Variants in FBLN1 observed in about 807,000 individuals in gnomAD.
The protein encoded by FBLN1 is fibulin 1.
Under a neutral mutation model 89.7 loss-of-function variants are expected in FBLN1, and 34 were observed. The observed-to-expected ratio is 0.38, with a 90% confidence interval of 0.29 to 0.50. The LOEUF is 0.50. Among genes scored for constraint, FBLN1 ranks in the 20% least tolerant of loss-of-function variants. The pLI, the probability that FBLN1 is intolerant of heterozygous loss-of-function variation, is 0.92. For missense variants in FBLN1, 777 were observed against 988.1 expected (o/e 0.79, Z 2.86); for synonymous variants, 393 against 391.3 (o/e 1.00, Z -0.05).
chr22:45,553,168 G>A (rs1396559179), intron 14 of FBLN1, among the ~76,000 whole-genome samples: 7 of 152,266 alleles, frequency 4.6e-5, no homozygotes, highest in African/African-American at 1.2e-4. Context: ...AGCACCTGGG[G>A]TGGCCAGAAC....
At chr22:45,592,408 C>T (rs2089146385) in intron 16 of FBLN1, among the ~76,000 whole-genome samples, 1 of 152,154 alleles carries the variant, frequency 6.6e-6, no homozygotes, top group Non-Finnish European at 1.5e-5. Context: ...CTCACTGCAA[C>T]CTCTGCCTCC....
At chr22:45,523,062 T>A (rs763334141) in intron 2 of FBLN1, 4 of 726,140 alleles carry the variant, frequency 5.5e-6, no homozygotes, top group Non-Finnish European at 1.0e-5. Context: ...GCATAGGGGC[T>A]TCTGCTCATG....
Position 45,557,031 on chromosome 22 carries a change from A to G in FBLN1, c.1697+6416A>G, listed in dbSNP as rs547217127. Reference sequence around the variant, plus strand: ...CTGTAGAACTTTGTCCCAGCCCTGCAAAGTACTGTCACCTAGTTGGCATTG... The same window carrying G: ...CTGTAGAACTTTGTCCCAGCCCTGCGAAGTACTGTCACCTAGTTGGCATTG... On this transcript the variant is annotated intron_variant, in intron 14 of 16. Coordinates refer to ENST00000327858, the MANE Select transcript of FBLN1 (RefSeq NM_006486.3). The surrounding 1 kb of genome is among the most constrained non-coding windows in gnomAD (Gnocchi z 4.9). 1.1e-4 allele frequency among the ~76,000 whole-genome samples: 16 copies of G among 152,300 alleles called. No individual in the cohort carries two copies. In the South Asian group the frequency reaches 3.1e-3, roughly 30 times the overall value.
intron 14 of FBLN1, chr22:45,565,183 G>A (rs1434300258): frequency 6.5e-7 from 1 of 1,544,270 alleles, no homozygotes; most frequent in Non-Finnish European, 8.7e-7. Context: ...ATGCAGCCCA[G>A]GAGCCTCTCT....
intron 14 of FBLN1, among the ~76,000 whole-genome samples, chr22:45,564,615 C>G (rs116303782): frequency 7.3e-4 from 111 of 152,374 alleles, no homozygotes; most frequent in African/African-American, 2.6e-3. Context: ...CCGTCCTTCT[C>G]ATGACCCCTT....
In FBLN1 at chr22:45,503,071, G is replaced by A. The variant is rs915816445; in HGVS notation, c.79+7G>A. On this transcript the variant is annotated splice_region_variant and intron_variant, in intron 1 of 16. Transcript: ENST00000327858. ...GCGCTGCTGGCGGCCGGAGGTAGGGGCGTCCCGGGTCCGCCGCCCCAGCTT... is the reference window on the plus strand; with the variant it reads ...GCGCTGCTGGCGGCCGGAGGTAGGGACGTCCCGGGTCCGCCGCCCCAGCTT... 2.5e-5 allele frequency: 31 copies of A among 1,238,470 alleles called. No homozygotes were observed. In the African/African-American group the frequency reaches 4.7e-4, roughly 19 times the overall value. 76.7% of individuals were successfully genotyped at this position (1,238,470 alleles called of 1,614,324 possible).
chr22:45,527,285 C>A (rs2088341675), intron 3 of FBLN1, among the ~76,000 whole-genome samples: 1 of 152,150 alleles, frequency 6.6e-6, no homozygotes, highest in South Asian at 2.1e-4. Context: ...GGGACCTGGG[C>A]CCAGGTGGCA....
chr22:45,534,107 T>C (rs555522666), intron 7 of FBLN1, among the ~76,000 whole-genome samples: 2 of 152,180 alleles, frequency 1.3e-5, no homozygotes, highest in Non-Finnish European at 2.9e-5. Context: ...TTGCCAATAA[T>C]GTTCAGAACA....
chr22:45,508,300 C>T (rs970277076), intron 1 of FBLN1, among the ~76,000 whole-genome samples: 1 of 35,248 alleles, frequency 2.8e-5, no homozygotes, highest in African/African-American at 1.0e-4. Flanking sequence ...TTTTTTGAGA[C>T]GGAGTCTTGC....
Position 45,572,545 on chromosome 22 carries a change from A to G in FBLN1, c.1698-1966A>G, listed in dbSNP as rs2088960327. 6.6e-6 allele frequency among the ~76,000 whole-genome samples: 1 copy of G among 151,986 alleles called. No individual in the cohort carries two copies. Among genetic ancestry groups the G allele is most frequent in the African/African-American group, 2.4e-5 (1 of 41,210 alleles). ...ATTGATCTGCTATTTCCTGGTAATT[A>G]AATCACAAGAGCACATGAAGGGAAG... is the stretch of plus-strand genomic sequence containing the variant. On this transcript the variant is annotated intron_variant, in intron 14 of 16. Coordinates refer to ENST00000327858, the MANE Select transcript of FBLN1 (RefSeq NM_006486.3). This position sits in a 1 kb window ranked among gnomAD's most constrained non-coding sequence, Gnocchi z 5.8.
At chr22:45,568,468 G>GCTCCTTCTGTAGGGGAATGC in intron 14 of FBLN1, among the ~76,000 whole-genome samples, 2 of 147,932 alleles carry the variant, frequency 1.4e-5, no homozygotes, top group Admixed American at 6.7e-5. Context: ...GTAGGGGAGT[G>GCTCCTTCTGTAGGGGAATGC]CTCCTTCTGT....
chr22:45,594,688 T>TGGTG (rs1436180926), intron 16 of FBLN1, among the ~76,000 whole-genome samples: 7 of 140,102 alleles, frequency 5.0e-5, no homozygotes, highest in South Asian at 2.4e-4. Flanking sequence ...GTGGATGGAT[T>TGGTG]GGTGGATAGA....
chr22:45,593,468 G>A (rs1222595856), intron 16 of FBLN1, among the ~76,000 whole-genome samples: 1 of 152,192 alleles, frequency 6.6e-6, no homozygotes, highest in Non-Finnish European at 1.5e-5. Flanking sequence ...GCACAGACAC[G>A]CCAAGGGATA....
chr22:45,581,480 T>C lies in FBLN1; in HGVS notation c.1972+4372T>C, dbSNP rs1213775010. Reference sequence around the variant, plus strand: ...CTATTTCTCCAGGGAGGGAAATCTGTGTGCTATGAGGCTTGGTTGTGGCCA... The same window carrying C: ...CTATTTCTCCAGGGAGGGAAATCTGCGTGCTATGAGGCTTGGTTGTGGCCA... On this transcript the variant is annotated intron_variant, in intron 16 of 16. Transcript: ENST00000327858. This position sits in a 1 kb window ranked among gnomAD's most constrained non-coding sequence, Gnocchi z 7.6. 6.6e-6 allele frequency among the ~76,000 whole-genome samples: 1 copy of C among 152,076 alleles called. No homozygotes were observed. Among genetic ancestry groups the C allele is most frequent in the East Asian group, 1.9e-4 (1 of 5,172 alleles).
At chr22:45,598,377 C>G (rs973425402) in intron 16 of FBLN1, among the ~76,000 whole-genome samples, 2 of 152,254 alleles carry the variant, frequency 1.3e-5, no homozygotes, top group African/African-American at 2.4e-5. Flanking sequence ...CATCCCCACC[C>G]TCAACACCAC....
At chr22:45,560,903 C>T (rs968377124) in intron 14 of FBLN1, among the ~76,000 whole-genome samples, 1 of 152,112 alleles carries the variant, frequency 6.6e-6, no homozygotes, top group Admixed American at 6.6e-5. Flanking sequence ...AACTGCCTCA[C>T]AGGAGGCCAT....
intron 14 of FBLN1, among the ~76,000 whole-genome samples, chr22:45,566,361 C>T (rs1013486860): frequency 2.0e-5 from 3 of 152,170 alleles, no homozygotes; most frequent in East Asian, 1.9e-4. Flanking sequence ...GGGATCCCAT[C>T]GACGTTTGCG....
intron 16 of FBLN1, among the ~76,000 whole-genome samples, chr22:45,593,344 C>G (rs1014544398): frequency 6.6e-6 from 1 of 152,048 alleles, no homozygotes; most frequent in African/African-American, 2.4e-5. Flanking sequence ...TCCTGGATCC[C>G]CAGCACATCA....
rs2089028569 is a variant in FBLN1, at chr22:45,579,907, G to A, written c.1972+2799G>A. ...CATCCCGGCACACGGCTCCTGGCCT[G>A]TCCACCTGGTAATAGATGGTTCCAC... is the stretch of plus-strand genomic sequence containing the variant. On this transcript the variant is annotated intron_variant, in intron 16 of 16. Transcript: ENST00000327858. The surrounding 1 kb of genome is among the most constrained non-coding windows in gnomAD (Gnocchi z 5.5). 6.6e-6 allele frequency among the ~76,000 whole-genome samples: 1 copy of A among 152,016 alleles called. No individual in the cohort carries two copies. Among genetic ancestry groups the A allele is most frequent in the African/African-American group, 2.4e-5 (1 of 41,392 alleles).
Sources: gnomAD v4.1 joint callset for allele counts (sites outside exome capture counted in the v4.1 genomes callset) on GRCh38, gnomAD v4.1.1 for gene constraint, Gnocchi (gnomAD v3.1) non-coding constraint, MANE v1.5 for transcripts, NCBI Gene and HGNC (gene_info 2026-07-23, HGNC 2026-07-21) for gene names.